The following SLAIN2 variants were observed in gnomAD, a reference collection of about 807,000 sequenced individuals.
The protein encoded by SLAIN2 is SLAIN family member 2.
A neutral mutation model predicts 56.6 loss-of-function variants in SLAIN2; 31 were observed. The ratio of observed to expected loss-of-function variants is 0.55; its 90% CI spans 0.41 to 0.74. The LOEUF (loss-of-function observed/expected upper bound fraction) is 0.74, where lower values mean the gene tolerates loss of function less well. Among genes scored for constraint, SLAIN2 ranks in the 30% least tolerant of loss-of-function variants. SLAIN2 has a pLI of 0.00. For missense variants in SLAIN2, 777 were observed against 754.2 expected, an observed-to-expected ratio of 1.03 and a Z score of -0.35; for synonymous variants, 317 against 284.9, an observed-to-expected ratio of 1.11 and a Z score of -1.13.
intron 1 of SLAIN2, among the ~76,000 whole-genome samples, chr4:48,362,750 C>CTTTTTTTTTTTTTTTTTATTT (rs66847310): frequency 2.1e-5 from 2 of 93,242 alleles, no homozygotes; most frequent in Non-Finnish European, 4.3e-5. Context: ...TTTTTTTATT[C>CTTTTTTTTTTTTTTTTTATTT]TTTTTTTTTT....
intron 1 of SLAIN2, among the ~76,000 whole-genome samples, chr4:48,348,228 G>A (rs1391544361): frequency 1.3e-5 from 2 of 152,038 alleles, no homozygotes; most frequent in African/African-American, 4.8e-5. Context: ...TAATAGAGCT[G>A]TTTTTGGATG....
rs149103905 is a variant in SLAIN2, at chr4:48,392,651, A to G, written c.1360+8867A>G. On this transcript the variant is annotated intron_variant, in intron 6 of 7. Transcript: ENST00000264313. Reference sequence around the variant, plus strand: ...TGGAATGCTTTCCCCACATATCTACATAGCTTACTTCCTATCTTTTTTCAG... The same window carrying G: ...TGGAATGCTTTCCCCACATATCTACGTAGCTTACTTCCTATCTTTTTTCAG... Among the ~76,000 whole-genome samples the G allele has an allele frequency of 2.8e-4, 43 of 152,174 alleles. 1 individual carries two copies. The South Asian group carries it at 5.6e-3, about 20-fold the overall frequency.
chr4:48,366,459 C>T (rs1370598243), intron 1 of SLAIN2, among the ~76,000 whole-genome samples: 1 of 152,092 alleles, frequency 6.6e-6, no homozygotes, highest in Admixed American at 6.5e-5. Flanking sequence ...AGTTCTATTA[C>T]TGTTGTTAGG....
At position 48,424,187 on chromosome 4, in the gene SLAIN2, T is replaced by C. The variant is rs1284637201; in HGVS notation, c.*2110T>C. Reference sequence around the variant, plus strand: ...TTTCATCACTTGTTAAAACATATTTTTGATCTGAGTTTGGTAAAGTATTAT... The same window carrying C: ...TTTCATCACTTGTTAAAACATATTTCTGATCTGAGTTTGGTAAAGTATTAT... On this transcript the variant is annotated 3_prime_UTR_variant, in exon 8 of 8. Coordinates refer to ENST00000264313, the MANE Select transcript of SLAIN2 (RefSeq NM_020846.2). 2 of 152,212 alleles carry C rather than the reference T, an allele frequency of 1.3e-5. No homozygotes were observed. Among genetic ancestry groups the C allele is most frequent in the African/African-American group, 2.4e-5 (1 of 41,466 alleles). The allele number at this position is 152,212 out of a possible 1,614,324, so 9.4% of individuals were successfully genotyped here.
intron 6 of SLAIN2, among the ~76,000 whole-genome samples, chr4:48,398,079 C>T (rs1716454824): frequency 1.3e-5 from 2 of 152,208 alleles, no homozygotes; most frequent in Non-Finnish European, 2.9e-5. Context: ...TTTGAGGAAT[C>T]ACCATGCTGT....
chr4:48,389,531 A>G (rs1716180921), intron 6 of SLAIN2, among the ~76,000 whole-genome samples: 1 of 152,190 alleles, frequency 6.6e-6, no homozygotes, highest in South Asian at 2.1e-4. Context: ...TAGCAGGGAG[A>G]GTTAGACAGG....
At chr4:48,421,383 T>C (rs1717153073) in intron 7 of SLAIN2, among the ~76,000 whole-genome samples, 4 of 152,138 alleles carry the variant, frequency 2.6e-5, no homozygotes, top group African/African-American at 7.2e-5. Flanking sequence ...CTTTCAAGAA[T>C]GGGATTACCA....
At chr4:48,418,093 C>T (rs1181434216) in intron 6 of SLAIN2, among the ~76,000 whole-genome samples, 1 of 148,350 alleles carries the variant, frequency 6.7e-6, no homozygotes, top group Non-Finnish European at 1.5e-5. Flanking sequence ...CTTCTTCTTC[C>T]TCTTCCTCCT....
chr4:48,350,821 A>G (rs1714991703), intron 1 of SLAIN2, among the ~76,000 whole-genome samples: 1 of 152,332 alleles, frequency 6.6e-6, no homozygotes, highest in Admixed American at 6.5e-5. Flanking sequence ...ACATTCTGGA[A>G]TAAAATAGAA....
At chr4:48,343,293 T>TA (rs1175916744) in intron 1 of SLAIN2, among the ~76,000 whole-genome samples, 5 of 152,222 alleles carry the variant, frequency 3.3e-5, no homozygotes, top group Non-Finnish European at 7.3e-5. Context: ...TAATAGCACT[T>TA]ACCTCTATAG....
intron 1 of SLAIN2, among the ~76,000 whole-genome samples, chr4:48,358,678 A>G (rs1292840449): frequency 6.6e-6 from 1 of 151,746 alleles, no homozygotes; most frequent in East Asian, 1.9e-4. Flanking sequence ...ATTAAATTAT[A>G]TTTGCTTGTG....
intron 1 of SLAIN2, among the ~76,000 whole-genome samples, chr4:48,365,321 C>T (rs901622191): frequency 1.3e-5 from 2 of 150,766 alleles, no homozygotes; most frequent in Non-Finnish European, 3.0e-5. Flanking sequence ...ATACAAAAAA[C>T]TAGTTGGGCG....
intron 6 of SLAIN2, among the ~76,000 whole-genome samples, chr4:48,401,768 A>G (rs1373035428): frequency 6.6e-6 from 1 of 152,174 alleles, no homozygotes; most frequent in African/African-American, 2.4e-5. Flanking sequence ...TAGCCCATTT[A>G]CATTTAAAGT....
In SLAIN2 at chr4:48,425,197, T is replaced by C. The variant is rs1717268224; in HGVS notation, c.*3120T>C. On this transcript the variant is annotated 3_prime_UTR_variant, in exon 8 of 8. Coordinates refer to ENST00000264313, the MANE Select transcript of SLAIN2 (RefSeq NM_020846.2). ...GGGTTGGATTATGTCTTATATTTTC[T>C]CTGTCAGAGTTATTTCATATATGGA... 6.6e-6 allele frequency: 1 copy of C among 152,164 alleles called. No individual in the cohort carries two copies. Among genetic ancestry groups the C allele is most frequent in the Non-Finnish European group, 1.5e-5 (1 of 67,988 alleles). 9.4% of individuals were successfully genotyped at this position (152,164 alleles called of 1,614,324 possible).
intron 6 of SLAIN2, among the ~76,000 whole-genome samples, chr4:48,419,557 C>A (rs1053556027): frequency 6.6e-6 from 1 of 151,972 alleles, no homozygotes; most frequent in South Asian, 2.1e-4. Context: ...TGTCACCATG[C>A]CCAGCTGCCT....
At chr4:48,377,358 A>G (rs1194036936) in intron 2 of SLAIN2, among the ~76,000 whole-genome samples, 1 of 66,426 alleles carries the variant, frequency 1.5e-5, no homozygotes, top group Non-Finnish European at 3.0e-5. Flanking sequence ...TTTTTTTTTT[A>G]AGTAGAGACA....
intron 6 of SLAIN2, among the ~76,000 whole-genome samples, chr4:48,418,972 C>T (rs146969674): frequency 5.9e-4 from 90 of 152,176 alleles, no homozygotes; most frequent in African/African-American, 1.8e-3. Flanking sequence ...TACTGCTGAG[C>T]GGTATTCTGT....
chr4:48,371,307 A>G (rs1473101268), intron 2 of SLAIN2, among the ~76,000 whole-genome samples: 1 of 151,960 alleles, frequency 6.6e-6, no homozygotes, highest in Admixed American at 6.6e-5. Flanking sequence ...TCCCGACCTC[A>G]GGTGATCTGC....
intron 6 of SLAIN2, among the ~76,000 whole-genome samples, chr4:48,401,827 T>C (rs1716564442): frequency 6.6e-6 from 1 of 152,208 alleles, no homozygotes; most frequent in Admixed American, 6.5e-5. Flanking sequence ...TAGCTCGTTA[T>C]TTTGCAGACT....
Sources: gnomAD v4.1 joint callset for allele counts (sites outside exome capture counted in the v4.1 genomes callset) on GRCh38, gnomAD v4.1.1 for gene constraint, MANE v1.5 for transcripts, NCBI Gene and HGNC (gene_info 2026-07-23, HGNC 2026-07-21) for gene names.